TAFA1: variants seen among roughly 807,000 people sequenced by gnomAD.
TAFA1 encodes the protein TAFA chemokine like family member 1, also known as chemokine-like protein TAFA-1.
In TAFA1, 4 loss-of-function variants were observed where a neutral mutation model predicts 18.5. The ratio of observed to expected loss-of-function variants is 0.22; its 90% CI spans 0.11 to 0.49. The LOEUF (loss-of-function observed/expected upper bound fraction) is 0.49, where lower values mean the gene tolerates loss of function less well. Ranked by LOEUF, TAFA1 falls within the 20% of genes least tolerant of loss-of-function variation. The probability of loss-of-function intolerance (pLI) is 0.98; values close to 1 mark genes in which losing one functional copy is unlikely to be tolerated. For synonymous variants in TAFA1, 56 were observed against 55.2 expected, an observed-to-expected ratio of 1.01 and a Z score of -0.06; for missense variants, 147 against 169.0, an observed-to-expected ratio of 0.87 and a Z score of 0.72.
chr3:68,121,532 C>T (rs564906779), intron 2 of TAFA1, among the ~76,000 whole-genome samples: 28 of 152,190 alleles, frequency 1.8e-4, no homozygotes, highest in Middle Eastern at 3.4e-3. Flanking sequence ...AATGTACAGG[C>T]TGTAGTTGAA....
In TAFA1 at chr3:68,121,249, ATGTGTGTGTGTGTGTGTG is replaced by A. The variant is rs67968765; in HGVS notation, c.118+114529_118+114546del. On this transcript the variant is annotated intron_variant, in intron 2 of 4. Coordinates refer to ENST00000478136, the MANE Select transcript of TAFA1 (RefSeq NM_213609.4). ...ATTTAGACTTCTCAAATGTACATTA[ATGTGTGTGTGTGTGTGTG>A]TGTGTGTGTGTGTGTGTGTGTGTAT... Among the ~76,000 whole-genome samples the A allele has an allele frequency of 2.7e-5, 4 of 148,074 alleles. No homozygotes were observed. The East Asian group carries it at 8.1e-4, about 30-fold the overall frequency.
At chr3:68,481,521 A>G (rs1200859812) in intron 3 of TAFA1, among the ~76,000 whole-genome samples, 1 of 152,156 alleles carries the variant, frequency 6.6e-6, no homozygotes, top group Non-Finnish European at 1.5e-5. Flanking sequence ...CACACCCTTT[A>G]GAGGCAGAGT....
chr3:68,213,488 A>C (rs989553587), intron 2 of TAFA1, among the ~76,000 whole-genome samples: 6 of 152,128 alleles, frequency 3.9e-5, no homozygotes, highest in Admixed American at 3.3e-4. Flanking sequence ...GGAGGAAATC[A>C]GAGTGCTATT....
At chr3:68,011,941 T>C (rs1704481065) in intron 2 of TAFA1, among the ~76,000 whole-genome samples, 2 of 152,228 alleles carry the variant, frequency 1.3e-5, no homozygotes, top group Admixed American at 1.3e-4. Flanking sequence ...CTATAAAAAC[T>C]CTTACTTACG....
At chr3:68,038,094 G>A (rs189906749) in intron 2 of TAFA1, among the ~76,000 whole-genome samples, 6 of 152,244 alleles carry the variant, frequency 3.9e-5, no homozygotes, top group South Asian at 4.1e-4. Flanking sequence ...ATCACAGGGC[G>A]ATGCTGAATT....
chr3:68,026,578 C>A (rs1429699163), intron 2 of TAFA1, among the ~76,000 whole-genome samples: 1 of 152,028 alleles, frequency 6.6e-6, no homozygotes, highest in Non-Finnish European at 1.5e-5. Context: ...TATTATTTAA[C>A]CCTGACAATG....
chr3:68,252,060 AT>A (rs1389214651), intron 2 of TAFA1, among the ~76,000 whole-genome samples: 2 of 152,160 alleles, frequency 1.3e-5, no homozygotes, highest in African/African-American at 4.8e-5. Flanking sequence ...CATTGCCTTT[AT>A]AAAGACAATG....
At chr3:68,415,409 C>T (rs1011740084) in intron 2 of TAFA1, among the ~76,000 whole-genome samples, 2 of 152,016 alleles carry the variant, frequency 1.3e-5, no homozygotes, top group African/African-American at 2.4e-5. Context: ...CAAAGGTGGA[C>T]GTGAGGAGCA....
chr3:68,424,135 A>C (rs1355769934), intron 3 of TAFA1, among the ~76,000 whole-genome samples: 3 of 152,122 alleles, frequency 2.0e-5, no homozygotes, highest in African/African-American at 7.2e-5. Context: ...ATTTCTGTGA[A>C]GAAACAAAAC....
In TAFA1 at chr3:68,188,999, C is replaced by CCAG. The variant is rs561205636; in HGVS notation, c.118+182255_118+182256insCAG. Among the ~76,000 whole-genome samples, 30 of 151,980 alleles carry CCAG rather than the reference C, an allele frequency of 2.0e-4. 1 individual carries two copies. The East Asian group carries it at 5.5e-3, about 28-fold the overall frequency. On this transcript the variant is annotated intron_variant, in intron 2 of 4. Coordinates refer to ENST00000478136, the MANE Select transcript of TAFA1 (RefSeq NM_213609.4). ...TGGTCAGCAGTTTTAGATGGTCAGACTTTCCAATTGGTGGTACACTAACGA... is the reference window on the plus strand; with the variant it reads ...TGGTCAGCAGTTTTAGATGGTCAGACCAGTTTCCAATTGGTGGTACACTAACGA...
intron 3 of TAFA1, among the ~76,000 whole-genome samples, chr3:68,532,279 C>A (rs1316818936): frequency 6.6e-6 from 1 of 152,142 alleles, no homozygotes; most frequent in Non-Finnish European, 1.5e-5. Context: ...GGGAAAATGG[C>A]AGAGGCAAAA....
chr3:68,409,617 C>T (rs942001056), intron 2 of TAFA1, among the ~76,000 whole-genome samples: 6 of 152,270 alleles, frequency 3.9e-5, no homozygotes, highest in African/African-American at 9.6e-5. Context: ...TTATAAATTA[C>T]GCAGTCTCTG....
chr3:68,482,819 G>A (rs1464844821), intron 3 of TAFA1, among the ~76,000 whole-genome samples: 1 of 152,176 alleles, frequency 6.6e-6, no homozygotes, highest in African/African-American at 2.4e-5. Flanking sequence ...TAGAAAATCT[G>A]CCTGAGATTT....
At chr3:68,355,691 T>C (rs1002075534) in intron 2 of TAFA1, among the ~76,000 whole-genome samples, 3 of 151,990 alleles carry the variant, frequency 2.0e-5, no homozygotes, top group African/African-American at 7.2e-5. Context: ...GAGCATACTT[T>C]ATGTAGCTCC....
the TAFA1 span, among the ~76,000 whole-genome samples, chr3:67,995,012 G>A: frequency 6.7e-6 from 1 of 148,346 alleles, no homozygotes; most frequent in Non-Finnish European, 1.5e-5. Flanking sequence ...GAACACTTAA[G>A]TTTCATATGA....
chr3:68,119,781 G>A (rs1444035176), intron 2 of TAFA1, among the ~76,000 whole-genome samples: 1 of 152,102 alleles, frequency 6.6e-6, no homozygotes, highest in African/African-American at 2.4e-5. Context: ...CACTGTAGTT[G>A]TAATTAGTTT....
intron 2 of TAFA1, among the ~76,000 whole-genome samples, chr3:68,071,951 A>G (rs997318284): frequency 6.6e-6 from 1 of 152,206 alleles, no homozygotes; most frequent in Non-Finnish European, 1.5e-5. Flanking sequence ...CACCTCCAGT[A>G]TTAGGAATTA....
intron 4 of TAFA1, among the ~76,000 whole-genome samples, chr3:68,540,897 A>T (rs2073362131): frequency 6.6e-6 from 1 of 152,192 alleles, no homozygotes; most frequent in Non-Finnish European, 1.5e-5. Flanking sequence ...CATGTTGCAG[A>T]TGCACCCTAG....
chr3:68,024,047 A>G (rs1704758339), intron 2 of TAFA1, among the ~76,000 whole-genome samples: 2 of 152,212 alleles, frequency 1.3e-5, no homozygotes, highest in African/African-American at 2.4e-5. Flanking sequence ...AAAGCATTCA[A>G]TACTACACTG....
Sources: allele counts gnomAD v4.1 joint callset (sites outside exome capture counted in the v4.1 genomes callset), GRCh38; gene constraint gnomAD v4.1.1; transcripts MANE v1.5; gene names NCBI Gene and HGNC (gene_info 2026-07-23, HGNC 2026-07-21).